The following AUTS2 variants were observed in gnomAD, a reference collection of about 807,000 sequenced individuals.
The protein encoded by AUTS2 is autism susceptibility gene 2 protein.
A neutral mutation model predicts 112.4 loss-of-function variants in AUTS2; 17 were observed. That is an observed-to-expected ratio of 0.15 (90% CI 0.10 to 0.23). The LOEUF (loss-of-function observed/expected upper bound fraction) is 0.23. Among genes scored for constraint, AUTS2 ranks in the 10% least tolerant of loss-of-function variants. The pLI, the probability that AUTS2 is intolerant of heterozygous loss-of-function variation, is 1.00. For missense variants in AUTS2, 1,510 were observed against 1,701.6 expected, an observed-to-expected ratio of 0.89 and a Z score of 1.98; for synonymous variants, 751 against 702.7, an observed-to-expected ratio of 1.07 and a Z score of -1.09.
At chr7:69,837,351 C>CA in intron 1 of AUTS2, among the ~76,000 whole-genome samples, 1 of 152,220 alleles carries the variant, frequency 6.6e-6, no homozygotes, top group East Asian at 1.9e-4. Context: ...TGAAGATGCT[C>CA]AGAGAGGTTA....
intron 5 of AUTS2, among the ~76,000 whole-genome samples, chr7:70,560,934 A>G (rs975266708): frequency 6.6e-6 from 1 of 152,252 alleles, no homozygotes; most frequent in African/African-American, 2.4e-5. Flanking sequence ...GCTTTGGCTT[A>G]CAATCATTCT....
At chr7:70,361,131 G>A (rs937992770) in intron 4 of AUTS2, among the ~76,000 whole-genome samples, 1 of 152,118 alleles carries the variant, frequency 6.6e-6, no homozygotes, top group East Asian at 1.9e-4. Flanking sequence ...GGATCATGAG[G>A]TCAGGAGATC....
At chr7:70,361,888 A>G (rs1792286218) in intron 4 of AUTS2, among the ~76,000 whole-genome samples, 1 of 152,190 alleles carries the variant, frequency 6.6e-6, no homozygotes, top group African/African-American at 2.4e-5. Context: ...ATGTATATGT[A>G]TATAGGCATA....
At chr7:70,685,582 G>C (rs961899337) in intron 5 of AUTS2, among the ~76,000 whole-genome samples, 13 of 151,532 alleles carry the variant, frequency 8.6e-5, no homozygotes, top group Admixed American at 3.9e-4. Flanking sequence ...ATGACTTGTT[G>C]AATGGTAAAC....
intron 2 of AUTS2, among the ~76,000 whole-genome samples, chr7:70,005,838 G>T (rs949700791): frequency 1.3e-5 from 2 of 150,494 alleles, no homozygotes; most frequent in Non-Finnish European, 3.0e-5. Flanking sequence ...TTATGTGCAT[G>T]TTCCAAAGTT....
chr7:69,918,198 T>C (rs2041567499), intron 2 of AUTS2, among the ~76,000 whole-genome samples: 1 of 152,170 alleles, frequency 6.6e-6, no homozygotes, highest in South Asian at 2.1e-4. Flanking sequence ...TAATGTGGCA[T>C]AGGGAAAGGA....
At chr7:69,966,611 G>A (rs1419652449) in intron 2 of AUTS2, among the ~76,000 whole-genome samples, 2 of 152,118 alleles carry the variant, frequency 1.3e-5, no homozygotes, top group African/African-American at 2.4e-5. Context: ...TGGCAATAGA[G>A]ATGTGCCATA....
In AUTS2 at chr7:70,788,519, A is replaced by G. The variant is rs553043068; in HGVS notation, c.2531+1088A>G. On this transcript the variant is annotated intron_variant, in intron 18 of 18. Coordinates refer to ENST00000342771, the MANE Select transcript of AUTS2 (RefSeq NM_015570.4). ...TGAACTGCCAAAATGAGGCACGCCT[A>G]GCAACATAACCTGGCCGACCCTAGG... Among the ~76,000 whole-genome samples, 17 of 152,354 alleles carry G rather than the reference A, an allele frequency of 1.1e-4. No homozygotes were observed. In the East Asian group the frequency reaches 3.3e-3, roughly 29 times the overall value.
At chr7:70,622,041 T>A (rs1185536936) in intron 5 of AUTS2, among the ~76,000 whole-genome samples, 1 of 151,778 alleles carries the variant, frequency 6.6e-6, no homozygotes, top group Non-Finnish European at 1.5e-5. Flanking sequence ...AGAGACCCTG[T>A]TGGGCACGGT....
At chr7:70,558,921 C>T (rs750554876) in intron 5 of AUTS2, among the ~76,000 whole-genome samples, 40 of 152,328 alleles carry the variant, frequency 2.6e-4, no homozygotes, top group Admixed American at 8.5e-4. Context: ...GAAGGCCATG[C>T]CATCTGATAG....
chr7:69,634,634 G>C (rs1283855878), intron 1 of AUTS2, among the ~76,000 whole-genome samples: 1 of 152,160 alleles, frequency 6.6e-6, no homozygotes, highest in East Asian at 1.9e-4. Context: ...ATGCTATATT[G>C]GATGTAAACC....
At chr7:70,171,717 C>T (rs1808698064) in intron 4 of AUTS2, among the ~76,000 whole-genome samples, 1 of 152,158 alleles carries the variant, frequency 6.6e-6, no homozygotes, top group Non-Finnish European at 1.5e-5. Context: ...ATAACATTTT[C>T]ATTTGTTCCT....
In AUTS2 at chr7:70,694,756, C is replaced by T. The variant is rs975839472; in HGVS notation, c.691-3813C>T. The T allele has an allele frequency of 6.7e-6, 1 of 148,808 alleles. No homozygotes were observed. The highest frequency in any genetic ancestry group is 6.7e-5 in the Admixed American group (1 of 15,022). 9.2% of individuals were successfully genotyped at this position (148,808 alleles called of 1,614,324 possible). A position where few individuals can be genotyped will look rare whatever the true frequency, so the allele number is the denominator to read the frequency against. The stretch of plus-strand genomic sequence containing the variant: ...GCGATCTCGGCGGGCGCGCTCCTCC[C>T]GCCGCCCGGGGCCTCGGCCGCGCTG... On this transcript the variant is annotated intron_variant, in intron 5 of 18. Transcript: ENST00000342771. This position sits in a 1 kb window ranked among gnomAD's most constrained non-coding sequence, Gnocchi z 4.1.
chr7:69,663,596 G>C (rs1474323837), intron 1 of AUTS2, among the ~76,000 whole-genome samples: 1 of 152,174 alleles, frequency 6.6e-6, no homozygotes, highest in East Asian at 1.9e-4. Flanking sequence ...TTTACTGGAA[G>C]GATTGGGTTG....
intron 2 of AUTS2, among the ~76,000 whole-genome samples, chr7:70,023,828 T>C (rs934947403): frequency 2.0e-5 from 3 of 152,170 alleles, no homozygotes; most frequent in Non-Finnish European, 2.9e-5. Context: ...TCTGTGCAAT[T>C]AAATGGTTGT....
chr7:69,688,125 A>G (rs1797145337), intron 1 of AUTS2, among the ~76,000 whole-genome samples: 2 of 152,270 alleles, frequency 1.3e-5, no homozygotes, highest in Admixed American at 6.5e-5. Flanking sequence ...TTATGTTTAC[A>G]TGTGTATTAA....
chr7:69,845,419 T>C (rs935319187), intron 1 of AUTS2, among the ~76,000 whole-genome samples: 3 of 152,148 alleles, frequency 2.0e-5, no homozygotes, highest in Admixed American at 1.3e-4. Context: ...GCTCGTCTCA[T>C]TGCCTCTCTC....
intron 1 of AUTS2, among the ~76,000 whole-genome samples, chr7:69,839,025 G>A (rs1445622011): frequency 2.6e-5 from 4 of 152,046 alleles, no homozygotes; most frequent in Non-Finnish European, 4.4e-5. Flanking sequence ...GTACCCATTG[G>A]GGGCAAACTA....
At chr7:70,336,757 G>T (rs866910019) in intron 4 of AUTS2, among the ~76,000 whole-genome samples, 4 of 151,984 alleles carry the variant, frequency 2.6e-5, no homozygotes, top group Non-Finnish European at 5.9e-5. Context: ...GGACGCTTGG[G>T]TTTCAGGCTG....
Sources: gnomAD v4.1 joint callset for allele counts (sites outside exome capture counted in the v4.1 genomes callset) on GRCh38, gnomAD v4.1.1 for gene constraint, Gnocchi (gnomAD v3.1) non-coding constraint, MANE v1.5 for transcripts, NCBI Gene and HGNC (gene_info 2026-07-23, HGNC 2026-07-21) for gene names.